The following PDE4D variants were observed in gnomAD, a reference collection of about 807,000 sequenced individuals.
PDE4D encodes the protein phosphodiesterase 4D.
A neutral mutation model predicts 87.4 loss-of-function variants in PDE4D; 24 were observed. That is an observed-to-expected ratio of 0.27 (90% CI 0.20 to 0.39). The LOEUF (loss-of-function observed/expected upper bound fraction) is 0.39. Ranked by LOEUF, PDE4D falls within the 10% of genes least tolerant of loss-of-function variation. The pLI is 1.00. For synonymous variants in PDE4D, 384 were observed against 383.2 expected (o/e 1.00, Z -0.02); for missense variants, 714 against 1,041.0 (o/e 0.69, Z 4.32).
intron 1 of PDE4D, among the ~76,000 whole-genome samples, chr5:59,656,326 C>A (rs1018922944): frequency 6.6e-6 from 1 of 152,128 alleles, no homozygotes; most frequent in African/African-American, 2.4e-5. Context: ...TGAGTTTGCA[C>A]CACCAGATTA....
At chr5:59,134,604 T>G (rs956536454) in intron 5 of PDE4D, among the ~76,000 whole-genome samples, 1 of 152,186 alleles carries the variant, frequency 6.6e-6, no homozygotes, top group African/African-American at 2.4e-5. Flanking sequence ...TATATTGAGG[T>G]TCTGCAAACA....
intron 2 of PDE4D, among the ~76,000 whole-genome samples, chr5:59,196,876 T>G (rs1418930891): frequency 1.3e-5 from 2 of 152,190 alleles, no homozygotes; most frequent in African/African-American, 4.8e-5. Flanking sequence ...ATGCCACCTA[T>G]GCCGACTTGA....
intron 1 of PDE4D, among the ~76,000 whole-genome samples, chr5:59,385,318 T>C (rs1786757854): frequency 6.6e-6 from 1 of 152,188 alleles, no homozygotes; most frequent in African/African-American, 2.4e-5. Flanking sequence ...ATAGTATTAA[T>C]ATTTTACATT....
At chr5:60,475,823 GAA>G (rs397792795) in intron 1 of PDE4D, among the ~76,000 whole-genome samples, 14 of 95,026 alleles carry the variant, frequency 1.5e-4, no homozygotes, top group Admixed American at 6.3e-4. Context: ...TCTGTTAAAT[GAA>G]AAAAAAAAAA....
At chr5:59,293,780 T>C (rs1768517064) in intron 1 of PDE4D, among the ~76,000 whole-genome samples, 1 of 152,060 alleles carries the variant, frequency 6.6e-6, no homozygotes, top group Admixed American at 6.6e-5. Flanking sequence ...GGCCATTAGG[T>C]CAAATTTCAA....
At chr5:60,198,316 T>C (rs1449074476) in intron 1 of PDE4D, among the ~76,000 whole-genome samples, 1 of 151,430 alleles carries the variant, frequency 6.6e-6, no homozygotes, top group Non-Finnish European at 1.5e-5. Flanking sequence ...CTCTAAGATA[T>C]CCCCTAAACA....
intron 5 of PDE4D, among the ~76,000 whole-genome samples, chr5:59,047,958 C>T (rs183423556): frequency 2.6e-5 from 4 of 152,332 alleles, no homozygotes; most frequent in African/African-American, 9.6e-5. Context: ...AGACTTCCAG[C>T]TCCCAGAACT....
chr5:59,721,394 G>A (rs1257176121), intron 1 of PDE4D, among the ~76,000 whole-genome samples: 3 of 152,130 alleles, frequency 2.0e-5, no homozygotes, highest in Non-Finnish European at 4.4e-5. Context: ...CGTAGCCCTA[G>A]TTTTTAGGCA....
At chr5:60,082,575 A>T (rs902469023) in intron 2 of PDE4D, among the ~76,000 whole-genome samples, 10 of 152,098 alleles carry the variant, frequency 6.6e-5, no homozygotes, top group African/African-American at 2.4e-4. Context: ...GATCTGATCC[A>T]TTACATACTT....
intron 2 of PDE4D, among the ~76,000 whole-genome samples, chr5:60,047,595 A>G (rs1769455458): frequency 6.6e-6 from 1 of 152,034 alleles, no homozygotes; most frequent in Admixed American, 6.6e-5. Flanking sequence ...TTCAAAGAAC[A>G]TCTTAATTTC....
chr5:59,550,855 C>A (rs1440751719), intron 1 of PDE4D, among the ~76,000 whole-genome samples: 1 of 152,006 alleles, frequency 6.6e-6, no homozygotes, highest in Non-Finnish European at 1.5e-5. Flanking sequence ...TGCCACCACA[C>A]CTGGCTAATT....
At chr5:59,190,268 G>GAT (rs1316451880) in intron 3 of PDE4D, among the ~76,000 whole-genome samples, 1 of 152,116 alleles carries the variant, frequency 6.6e-6, no homozygotes, top group Non-Finnish European at 1.5e-5. Flanking sequence ...AATCTGAAGG[G>GAT]ATATAAAATA....
intron 3 of PDE4D, among the ~76,000 whole-genome samples, chr5:59,949,183 G>A (rs1302357655): frequency 6.6e-6 from 1 of 152,186 alleles, no homozygotes; most frequent in African/African-American, 2.4e-5. Context: ...TGTAATCCCA[G>A]CACTTTGGGA....
intron 2 of PDE4D, among the ~76,000 whole-genome samples, chr5:60,078,854 C>T (rs1175748889): frequency 6.6e-6 from 1 of 152,116 alleles, no homozygotes; most frequent in East Asian, 1.9e-4. Flanking sequence ...CATACAAGTG[C>T]ATGTATCTTT....
At chr5:59,664,088 A>G (rs1005362479) in intron 1 of PDE4D, among the ~76,000 whole-genome samples, 7 of 152,232 alleles carry the variant, frequency 4.6e-5, no homozygotes, top group Non-Finnish European at 7.3e-5. Context: ...TTATAGAGTT[A>G]GTGAGAGTTT....
chr5:59,677,024 G>A (rs1249908776), intron 1 of PDE4D, among the ~76,000 whole-genome samples: 2 of 151,134 alleles, frequency 1.3e-5, no homozygotes, highest in Admixed American at 1.3e-4. Flanking sequence ...TGAGAAAGCA[G>A]TAGAAAAGAA....
intron 5 of PDE4D, among the ~76,000 whole-genome samples, chr5:59,176,857 T>C (rs1299555837): frequency 6.6e-6 from 1 of 152,138 alleles, no homozygotes; most frequent in African/African-American, 2.4e-5. Context: ...TACCAGCGTC[T>C]GTGAATTGTG....
intron 1 of PDE4D, among the ~76,000 whole-genome samples, chr5:60,276,227 G>C (rs940552791): frequency 3.3e-5 from 5 of 152,128 alleles, no homozygotes; most frequent in African/African-American, 7.2e-5. Flanking sequence ...AAGAAGGGCT[G>C]GAGTCTTAAC....
At chr5:59,535,386 T>C (rs1815016420) in intron 1 of PDE4D, among the ~76,000 whole-genome samples, 1 of 152,148 alleles carries the variant, frequency 6.6e-6, no homozygotes, top group Admixed American at 6.5e-5. Context: ...TGCTTGAAAA[T>C]ATAAGTGAAG....
Sources: allele counts gnomAD v4.1 joint callset (sites outside exome capture counted in the v4.1 genomes callset), GRCh38; gene constraint gnomAD v4.1.1; transcripts MANE v1.5; gene names NCBI Gene and HGNC (gene_info 2026-07-23, HGNC 2026-07-21).